ZNF385C: variants seen among roughly 807,000 people sequenced by gnomAD.
ZNF385C encodes zinc finger protein 385C.
ZNF385C carries 28 observed loss-of-function variants against 35.4 expected under a neutral mutation model. The observed-to-expected ratio is 0.79, with a 90% CI of 0.59 to 1.08. The LOEUF (loss-of-function observed/expected upper bound fraction) is 1.08. Among genes scored for constraint, ZNF385C ranks in the 50% least tolerant of loss-of-function variants. ZNF385C has a pLI of 0.00. For missense variants in ZNF385C, 605 were observed against 595.6 expected (o/e 1.02, Z -0.16); for synonymous variants, 248 against 248.2 (o/e 1.00, Z 0.01).
At chr17:42,047,319 A>G (rs1486098067) in intron 2 of ZNF385C, among the ~76,000 whole-genome samples, 5 of 151,912 alleles carry the variant, frequency 3.3e-5, no homozygotes, top group African/African-American at 1.2e-4. Flanking sequence ...GGTGTGAGCC[A>G]CTGCGCCTGG....
At chr17:42,039,639 A>G (rs1265686739) in intron 2 of ZNF385C, 1 of 1,211,876 alleles carries the variant, frequency 8.3e-7, no homozygotes, top group Non-Finnish European at 1.0e-6. Flanking sequence ...AGCATGGTCA[A>G]GTCTAGGTTG....
rs1336556410 is a variant in ZNF385C, at chr17:42,028,819, C to G, written c.931G>C (p.Val311Leu). Reference protein sequence around the residue: ...HLYCPTCKVTVNSASQLQAHN... With the variant: ...HLYCPTCKVTLNSASQLQAHN... ...GCCTGAAGCTGGGAGGCCGAGTTCACTGTCACCTTACACGTGGGGCAGTAG... is the reference window on the plus strand; with the variant it reads ...GCCTGAAGCTGGGAGGCCGAGTTCAGTGTCACCTTACACGTGGGGCAGTAG... The change falls in exon 6 of 9, where the codon GTG (valine) becomes CTG (leucine). Residue 311 changes from valine (V) to leucine (L), a missense_variant. Physicochemically the swap from Val to Leu is conservative, Grantham distance 32 (BLOSUM62 1). Coordinates refer to ENST00000692273, the MANE Select transcript of ZNF385C (RefSeq NM_001392013.1). 4 of 1,550,442 alleles carry G rather than the reference C, an allele frequency of 2.6e-6. No individual in the cohort carries two copies. In the African/African-American group the frequency reaches 5.5e-5, roughly 21 times the overall value.
Position 42,026,527 on chromosome 17 carries a change from G to C in ZNF385C, c.*370C>G, listed in dbSNP as rs1192986230. Reference sequence around the variant, plus strand: ...CCAAAGCCTAGGAATAGAGGTCAGAGAGTCGTCCCCTGGCTAGGAGAGGAT... The same window carrying C: ...CCAAAGCCTAGGAATAGAGGTCAGACAGTCGTCCCCTGGCTAGGAGAGGAT... On this transcript the variant is annotated 3_prime_UTR_variant, in exon 9 of 9. Transcript: ENST00000692273. 1.0e-5 allele frequency: 3 copies of C among 295,714 alleles called. No individual in the cohort carries two copies. The East Asian group carries it at 3.2e-4, about 31-fold the overall frequency. 18.3% of individuals were successfully genotyped at this position (295,714 alleles called of 1,614,324 possible). A position where few individuals can be genotyped will look rare whatever the true frequency, so the allele number is the denominator to read the frequency against.
chr17:42,076,428 TG>T (rs1180311451), intron 1 of ZNF385C, among the ~76,000 whole-genome samples: 2 of 152,090 alleles, frequency 1.3e-5, no homozygotes, highest in Non-Finnish European at 2.9e-5. Context: ...GAGACCATCC[TG>T]GCTAACACGG....
At chr17:42,034,876 C>CA (rs2052811121) in intron 3 of ZNF385C, among the ~76,000 whole-genome samples, 1 of 151,330 alleles carries the variant, frequency 6.6e-6, no homozygotes, top group Admixed American at 6.6e-5. Context: ...CCTGTAATCC[C>CA]ATCACTTTGG....
intron 1 of ZNF385C, among the ~76,000 whole-genome samples, chr17:42,081,714 C>G (rs1555659723): frequency 6.6e-6 from 1 of 152,026 alleles, no homozygotes; most frequent in South Asian, 2.1e-4. Context: ...CTGGGTGCAG[C>G]CTGAGACTGT....
intron 1 of ZNF385C, among the ~76,000 whole-genome samples, chr17:42,085,160 G>A (rs1408521356): frequency 6.6e-6 from 1 of 152,076 alleles, no homozygotes; most frequent in Non-Finnish European, 1.5e-5. Flanking sequence ...AGCCAGGCGT[G>A]GTGGCGTGCA....
chr17:42,034,866 C>T (rs1488058373), intron 3 of ZNF385C, among the ~76,000 whole-genome samples: 1 of 151,126 alleles, frequency 6.6e-6, no homozygotes, highest in African/African-American at 2.4e-5. Context: ...GTGGCTCACG[C>T]CTGTAATCCC....
chr17:42,068,599 C>T (rs2053581302), intron 1 of ZNF385C, among the ~76,000 whole-genome samples: 1 of 152,188 alleles, frequency 6.6e-6, no homozygotes, highest in Admixed American at 6.5e-5. Context: ...AAGTGAACCT[C>T]CTGCCCCAGC....
At chr17:42,047,799 G>A (rs536826643) in intron 2 of ZNF385C, among the ~76,000 whole-genome samples, 23 of 151,860 alleles carry the variant, frequency 1.5e-4, no homozygotes, top group Non-Finnish European at 2.5e-4. Flanking sequence ...GATTACAGGC[G>A]CGCACCACCA....
At position 42,026,908 on chromosome 17, in the gene ZNF385C, C is replaced by T. The variant is rs1747367627; in HGVS notation, c.1501G>A (p.Ala501Thr). The change falls in exon 9 of 9, where the codon GCC (alanine) becomes ACC (threonine). Residue 501 changes from alanine to threonine, a missense_variant. Ala to Thr is a moderately conservative substitution (Grantham distance 58). Coordinates refer to ENST00000692273, the MANE Select transcript of ZNF385C (RefSeq NM_001392013.1). ...CCTCCCCATGAGGGCTAATAAGGGGCAAGGACGATAGGTCCTGTGGCAGGG... is the reference window on the plus strand; with the variant it reads ...CCTCCCCATGAGGGCTAATAAGGGGTAAGGACGATAGGTCCTGTGGCAGGG... The part of the protein sequence containing the change: ...VRPATGPIVL[A>T]PY 1.9e-6 allele frequency: 3 copies of T among 1,593,982 alleles called. No homozygotes were observed. The highest frequency in any genetic ancestry group is 8.5e-7 in the Non-Finnish European group (1 of 1,170,114).
intron 4 of ZNF385C, among the ~76,000 whole-genome samples, chr17:42,032,203 G>A (rs2052746804): frequency 6.6e-6 from 1 of 152,156 alleles, no homozygotes; most frequent in Admixed American, 6.5e-5. Context: ...TGGGACTACA[G>A]GCGCCCGCCA....
At chr17:42,036,687 G>T (rs1406352282) in intron 3 of ZNF385C, among the ~76,000 whole-genome samples, 1 of 152,170 alleles carries the variant, frequency 6.6e-6, no homozygotes, top group Non-Finnish European at 1.5e-5. Context: ...GGGCTCAGGG[G>T]ACAGGACCTC....
At chr17:42,049,923 G>A (rs2053247168) in intron 2 of ZNF385C, among the ~76,000 whole-genome samples, 1 of 152,226 alleles carries the variant, frequency 6.6e-6, no homozygotes, top group Non-Finnish European at 1.5e-5. Flanking sequence ...TGTGGCTAGT[G>A]GCTATTGCAT....
At chr17:42,043,431 T>G in intron 2 of ZNF385C, 1 of 1,223,972 alleles carries the variant, frequency 8.2e-7, no homozygotes, top group Non-Finnish European at 1.0e-6. Flanking sequence ...CTTGCCCCCC[T>G]GCCTCCCCCA....
intron 2 of ZNF385C, among the ~76,000 whole-genome samples, chr17:42,042,612 C>T (rs1289686717): frequency 2.0e-5 from 3 of 152,198 alleles, no homozygotes; most frequent in Non-Finnish European, 4.4e-5. Flanking sequence ...AGAAGAGTGC[C>T]CCTGTGCCCG....
At chr17:42,061,570 A>G (rs2053462932) in intron 2 of ZNF385C, 1 of 152,178 alleles carries the variant, frequency 6.6e-6, no homozygotes, top group Admixed American at 6.5e-5. Context: ...AGAAACACCC[A>G]TCAGTCAGAT....
rs1354285453 is a variant in ZNF385C at position 42,050,830 on chromosome 17, C to A, written c.250+11977G>T. ...CGGCAGCAGGAGCCAGAGGCTAGACCGCAGGCAGCGCGGTGCCGGGGTTCA... is the reference window on the plus strand; with the variant it reads ...CGGCAGCAGGAGCCAGAGGCTAGACAGCAGGCAGCGCGGTGCCGGGGTTCA... On this transcript the variant is annotated intron_variant, in intron 2 of 8. Coordinates refer to ENST00000692273, the MANE Select transcript of ZNF385C (RefSeq NM_001392013.1). This position sits in a 1 kb window ranked among gnomAD's most constrained non-coding sequence, Gnocchi z 5.6. Among the ~76,000 whole-genome samples, 1 of 151,850 alleles carries A rather than the reference C, an allele frequency of 6.6e-6. No individual in the cohort carries two copies. The highest frequency in any genetic ancestry group is 1.9e-4 in the East Asian group (1 of 5,164).
At chr17:42,048,691 A>G (rs1174873395) in intron 2 of ZNF385C, among the ~76,000 whole-genome samples, 1 of 152,028 alleles carries the variant, frequency 6.6e-6, no homozygotes, top group Non-Finnish European at 1.5e-5. Context: ...TGCTCCATCC[A>G]TAGGTCTTGT....
Sources: gnomAD v4.1 joint callset for allele counts (sites outside exome capture counted in the v4.1 genomes callset) on GRCh38, gnomAD v4.1.1 for gene constraint, Gnocchi (gnomAD v3.1) non-coding constraint, MANE v1.5 for transcripts, NCBI Gene and HGNC (gene_info 2026-07-23, HGNC 2026-07-21) for gene names.